CACNA1B: variants seen among roughly 807,000 people sequenced by gnomAD.
The protein encoded by CACNA1B is calcium voltage-gated channel subunit alpha1 B.
A neutral mutation model predicts 247.2 loss-of-function variants in CACNA1B; 70 were observed. That is an observed-to-expected ratio of 0.28 (90% confidence interval 0.23 to 0.35). The LOEUF is 0.35. CACNA1B is among the 10% of genes least tolerant of loss of function. CACNA1B has a pLI of 1.00. For synonymous variants in CACNA1B, 1,231 were observed against 1,294.4 expected (o/e 0.95, Z 1.05); for missense variants, 2,367 against 3,197.4 (o/e 0.74, Z 6.26).
chr9:138,058,390 C>T lies in CACNA1B; in HGVS notation c.4308+140C>T, dbSNP rs991522822. On this transcript the variant is annotated intron_variant, in intron 28 of 46. Coordinates refer to ENST00000371372, the MANE Select transcript of CACNA1B (RefSeq NM_000718.4). This position sits in a 1 kb window ranked among gnomAD's most constrained non-coding sequence, Gnocchi z 4.7. ...AACACAGGGGCAGGTCCTCCTTTCT[C>T]CTGCAGAGGGACCGGATTTGGCTGG... The T allele has an allele frequency of 4.2e-6, 4 of 950,702 alleles. No homozygotes were observed. Among genetic ancestry groups the T allele is most frequent in the Middle Eastern group, 2.3e-4 (1 of 4,372 alleles). The allele number at this position is 950,702 out of a possible 1,614,324, so 58.9% of individuals were successfully genotyped here. A position where few individuals can be genotyped will look rare whatever the true frequency, so the allele number is the denominator to read the frequency against.
chr9:138,115,420 A>C (rs771907797), intron 41 of CACNA1B, 132 bp from the exon 42 acceptor site: 45 of 914,932 alleles, frequency 4.9e-5, no homozygotes, highest in African/African-American at 6.8e-5. Flanking sequence ...CCCCTTGCTA[A>C]GGGGAAAGAG....
rs939248523 is a variant in CACNA1B at position 138,105,773 on chromosome 9, C to T, written c.5394C>T (p.Leu1798=). The T allele has an allele frequency of 1.3e-6, 2 of 1,563,774 alleles. No homozygotes were observed. Among genetic ancestry groups the T allele is most frequent in the Non-Finnish European group, 8.7e-7 (1 of 1,154,996 alleles). ...TVHFTSTLMA[L]IRTALEIKLA... is the part of the protein sequence containing the mutation. ...ACTTCACGTCCACGCTGATGGCCCT[C>T]ATCCGGACGGCACTGGAGATCAAGC... is the stretch of plus-strand genomic sequence containing the variant. Residue 1798 remains leucine, a synonymous_variant, in exon 39 of 47, where the codon CTC becomes CTT. Transcript: ENST00000371372.
Position 138,114,470 on chromosome 9 carries a change from G to A in CACNA1B, c.5629G>A (p.Ala1877Thr), listed in dbSNP as rs576772015. The A allele has an allele frequency of 1.9e-6, 3 of 1,573,372 alleles. No homozygotes were observed. The highest frequency in any genetic ancestry group is 1.8e-5 in the Admixed American group (1 of 54,770). Residue 1877 changes from alanine to threonine, a missense_variant, in exon 41 of 47, where the codon GCT becomes ACT. By Grantham distance (58) the Ala-to-Thr change is moderately conservative (BLOSUM62 0). Around this residue, in one of 12 missense-constraint regions of CACNA1B, gnomAD observed 773 missense variants for 779.4 expected, o/e 0.99. Coordinates refer to ENST00000371372, the MANE Select transcript of CACNA1B (RefSeq NM_000718.4). ...NKTTRDQMQQ[A>T]PGGLSQMGPV... ...AACCACCAGAGACCAGATGCAGCAG[G>A]CTCCTGGAGGCCTCTCCCAGGTAGC... is the stretch of plus-strand genomic sequence containing the variant.
chr9:137,900,237 G>A (rs1172140921), intron 3 of CACNA1B, among the ~76,000 whole-genome samples: 1 of 152,206 alleles, frequency 6.6e-6, no homozygotes, highest in Non-Finnish European at 1.5e-5. Context: ...GGTGGAGGGC[G>A]TGTGGCTGGG....
intron 10 of CACNA1B, among the ~76,000 whole-genome samples, chr9:137,959,079 A>AT (rs962894296): frequency 4.0e-5 from 6 of 151,276 alleles, no homozygotes; most frequent in African/African-American, 7.3e-5. Context: ...TATTTAATTA[A>AT]TTTTTTTTTG....
chr9:138,082,935 C>G (rs1284633248), intron 36 of CACNA1B, among the ~76,000 whole-genome samples: 1 of 151,064 alleles, frequency 6.6e-6, no homozygotes, highest in Non-Finnish European at 1.5e-5. Flanking sequence ...ACACCACCAC[C>G]CCATCCCACA....
intron 16 of CACNA1B, 39 bp from the exon 17 acceptor site, chr9:138,009,971 G>T: frequency 6.4e-7 from 1 of 1,551,412 alleles, no homozygotes; most frequent in Non-Finnish European, 8.9e-7. Flanking sequence ...CTGGGGCCAT[G>T]TGGGGCAGAG....
intron 20 of CACNA1B, among the ~76,000 whole-genome samples, chr9:138,041,356 C>T (rs575181755): frequency 1.7e-4 from 26 of 152,270 alleles, no homozygotes; most frequent in African/African-American, 5.1e-4. Context: ...GCACCTGGGC[C>T]GTGTCTGGCA....
intron 6 of CACNA1B, among the ~76,000 whole-genome samples, chr9:137,933,115 G>C (rs1259042471): frequency 2.0e-5 from 3 of 152,066 alleles, no homozygotes; most frequent in Non-Finnish European, 4.4e-5. Flanking sequence ...TGTATTTTTA[G>C]TAGAAATGGG....
At position 138,118,719 on chromosome 9, in the gene CACNA1B, A is replaced by G. The variant is rs1256858963; in HGVS notation, c.5981A>G (p.Glu1994Gly). The G allele has an allele frequency of 1.3e-6, 2 of 1,562,020 alleles. No individual in the cohort carries two copies. Among genetic ancestry groups the G allele is most frequent in the South Asian group, 2.4e-5 (2 of 84,976 alleles). Residue 1994 changes from glutamate to glycine, a missense_variant, in exon 44 of 47, where the codon GAG becomes GGG. This residue lies in a region of CACNA1B where 773 missense variants were observed against 779.4 expected (regional missense o/e 0.99). Coordinates refer to ENST00000371372, the MANE Select transcript of CACNA1B (RefSeq NM_000718.4). Reference protein sequence around the residue: ...GPDGEPQPGLESQGRAASMPR... With the variant: ...GPDGEPQPGLGSQGRAASMPR... ...GATGGGGAGCCCCAGCCTGGGCTGG[A>G]GAGCCAGGGTCGAGCGGCCTCCATG... is the stretch of plus-strand genomic sequence containing the variant.
At chr9:138,029,609 CTTTTTTTT>C (rs11320503) in intron 20 of CACNA1B, among the ~76,000 whole-genome samples, 6 of 115,828 alleles carry the variant, frequency 5.2e-5, no homozygotes, top group African/African-American at 6.5e-5. Flanking sequence ...TTTTCTTTTC[CTTTTTTTT>C]TTTTTTTTTT....
chr9:137,985,048 G>T (rs1321020368), intron 13 of CACNA1B, among the ~76,000 whole-genome samples: 1 of 152,166 alleles, frequency 6.6e-6, no homozygotes, highest in Non-Finnish European at 1.5e-5. Context: ...CATGGACTTT[G>T]GTGTGTGTCC....
At chr9:138,064,683 T>C (rs906212681) in intron 31 of CACNA1B, among the ~76,000 whole-genome samples, 37 of 152,224 alleles carry the variant, frequency 2.4e-4, no homozygotes, top group Admixed American at 1.2e-3. Context: ...GGGCTCTTGG[T>C]TGCCATTGAG....
At chr9:138,101,906 T>A (rs1295770923) in intron 37 of CACNA1B, among the ~76,000 whole-genome samples, 2 of 152,144 alleles carry the variant, frequency 1.3e-5, no homozygotes, top group Non-Finnish European at 2.9e-5. Flanking sequence ...GTGGCCTCTC[T>A]ACTTGGGAAG....
At chr9:138,016,555 G>A (rs528730962) in intron 18 of CACNA1B, among the ~76,000 whole-genome samples, 105 of 152,326 alleles carry the variant, frequency 6.9e-4, no homozygotes, top group African/African-American at 2.3e-3. Flanking sequence ...GGTGCTTGCC[G>A]GGAAGTCAGG....
intron 34 of CACNA1B, 82 bp from the exon 35 acceptor site, chr9:138,075,737 G>A (rs941099303): frequency 1.2e-5 from 10 of 865,338 alleles, no homozygotes; most frequent in Admixed American, 6.0e-5. Context: ...TGTACGGCTC[G>A]CACGCCCTCT....
rs1249057566 is a variant in CACNA1B, at chr9:138,051,432, GAT to G, written c.3711-657_3711-656del. ...TGTCTGCTGCTTTCTGGGTAGCATTGATATGTCTGTCTCTATGGCTCTCCCTC... is the reference window on the plus strand; with the variant it reads ...TGTCTGCTGCTTTCTGGGTAGCATTGATGTCTGTCTCTATGGCTCTCCCTC... On this transcript the variant is annotated intron_variant, in intron 24 of 46. Coordinates refer to ENST00000371372, the MANE Select transcript of CACNA1B (RefSeq NM_000718.4). This position sits in a 1 kb window ranked among gnomAD's most constrained non-coding sequence, Gnocchi z 4.3. 2.0e-5 allele frequency among the ~76,000 whole-genome samples: 3 copies of G among 151,384 alleles called. No homozygotes were observed. Among genetic ancestry groups the G allele is most frequent in the African/African-American group, 7.3e-5 (3 of 41,136 alleles).
chr9:137,965,483 C>CAAGCCTGG (rs934079528), intron 10 of CACNA1B, among the ~76,000 whole-genome samples: 1 of 152,256 alleles, frequency 6.6e-6, no homozygotes, highest in Non-Finnish European at 1.5e-5. Context: ...GAGTTTGAGA[C>CAAGCCTGG]AAGCCTGGAC....
chr9:137,970,956 G>A (rs921895473), intron 10 of CACNA1B, among the ~76,000 whole-genome samples: 2 of 152,194 alleles, frequency 1.3e-5, no homozygotes, highest in Non-Finnish European at 2.9e-5. Flanking sequence ...GAGTCCGGAG[G>A]GCGAGAGAGG....
Sources: allele counts gnomAD v4.1 joint callset (sites outside exome capture counted in the v4.1 genomes callset), GRCh38; gene constraint gnomAD v4.1.1; regional missense constraint gnomAD v4.1.1; non-coding constraint Gnocchi (gnomAD v3.1); transcripts MANE v1.5; gene names NCBI Gene and HGNC (gene_info 2026-07-23, HGNC 2026-07-21).